The following TVP23A variants were observed in gnomAD, a reference collection of about 807,000 sequenced individuals.
TVP23A encodes Golgi apparatus membrane protein TVP23 homolog A.
In TVP23A, 21 loss-of-function variants were observed where a neutral mutation model predicts 31.7. The ratio of observed to expected loss-of-function variants is 0.66; its 90% CI spans 0.47 to 0.95. The LOEUF (loss-of-function observed/expected upper bound fraction) is 0.95, where lower values mean the gene tolerates loss of function less well. TVP23A is among the 40% of genes least tolerant of loss of function. The probability of loss-of-function intolerance (pLI) is 0.00; values close to 1 mark genes in which losing one functional copy is unlikely to be tolerated. For synonymous variants in TVP23A, 104 were observed against 96.0 expected, an observed-to-expected ratio of 1.08 and a Z score of -0.49; for missense variants, 279 against 255.6, an observed-to-expected ratio of 1.09 and a Z score of -0.62.
chr16:10,762,585 T>C (rs529745292), downstream of TVP23A, among the ~76,000 whole-genome samples: 1 of 152,108 alleles, frequency 6.6e-6, no homozygotes, highest in Non-Finnish European at 1.5e-5. Context: ...GGCCCTTTAG[T>C]GGGGCTCCTG....
downstream of TVP23A, among the ~76,000 whole-genome samples, chr16:10,760,394 T>A (rs936249079): frequency 3.3e-5 from 5 of 152,228 alleles, no homozygotes; most frequent in Non-Finnish European, 7.3e-5. Context: ...TAGAAAACAG[T>A]GCACACACTG....
intron 2 of TVP23A, among the ~76,000 whole-genome samples, chr16:10,798,259 T>C (rs1318316579): frequency 1.3e-5 from 2 of 152,062 alleles, no homozygotes; most frequent in African/African-American, 4.8e-5. Context: ...GCCCGGCCTT[T>C]TTTTTCTTTT....
rs4359432 is a variant in TVP23A, at chr16:10,777,981, A to G, written c.90-2885T>C. 1 allele frequency among the ~76,000 whole-genome samples: 151,612 copies of G among 151,972 alleles called. 75,631 individuals carry two copies. The highest frequency in any genetic ancestry group is 1 in the Admixed American group (15,235 of 15,236). On this transcript the variant is annotated intron_variant, in intron 2 of 7. Coordinates refer to ENST00000299866, the MANE Select transcript of TVP23A (RefSeq NM_001079512.4). The surrounding 1 kb of genome is among the most constrained non-coding windows in gnomAD (Gnocchi z 4.5). The stretch of plus-strand genomic sequence containing the variant: ...AGTTGAGATCGTACTACTGCACTCC[A>G]GCCTGGTGACAGAGCGAGACTCCGT...
downstream of TVP23A, chr16:10,761,685 C>G: frequency 1.9e-6 from 2 of 1,074,128 alleles, no homozygotes; most frequent in Non-Finnish European, 2.6e-6. Flanking sequence ...TTTTAAGTTT[C>G]TTTAAAATGT....
At position 10,767,363 on chromosome 16, in the gene TVP23A, A is replaced by G; in HGVS notation, c.*1739T>C. 1 of 400,004 alleles carries G rather than the reference A, an allele frequency of 2.5e-6. No homozygotes were observed. The highest frequency in any genetic ancestry group is 4.4e-6 in the Non-Finnish European group (1 of 227,094). The allele number at this position is 400,004 out of a possible 1,614,324, so 24.8% of individuals were successfully genotyped here. ...ATGGCGGGGAAAGACTAGCAGACTG[A>G]TAGACACCAGCACAGATGACCTGGA... On this transcript the variant is annotated 3_prime_UTR_variant, in exon 8 of 8. Transcript: ENST00000299866. This position sits in a 1 kb window ranked among gnomAD's most constrained non-coding sequence, Gnocchi z 4.6.
intron 2 of TVP23A, among the ~76,000 whole-genome samples, chr16:10,807,513 CA>C (rs1332795544): frequency 1.3e-5 from 2 of 152,100 alleles, no homozygotes; most frequent in Admixed American, 6.5e-5. Context: ...GACACTTGGC[CA>C]CATCAGGAGA....
downstream of TVP23A, chr16:10,761,948 G>A (rs139743116): frequency 2.0e-3 from 2,042 of 1,020,694 alleles, 31 homozygotes; most frequent in African/African-American, 0.029. Flanking sequence ...CTACAGAGAG[G>A]GGCAATGGAA....
At chr16:10,813,784 T>A (rs1002235423) in intron 2 of TVP23A, among the ~76,000 whole-genome samples, 2 of 151,822 alleles carry the variant, frequency 1.3e-5, no homozygotes, top group African/African-American at 4.8e-5. Context: ...GGCACTAGGA[T>A]CACTCAAGAT....
chr16:10,786,298 G>A (rs553893934), intron 2 of TVP23A, among the ~76,000 whole-genome samples: 9 of 152,126 alleles, frequency 5.9e-5, no homozygotes, highest in Non-Finnish European at 1.2e-4. Context: ...CTGTGGCCAG[G>A]TGCAGTGGCT....
At chr16:10,760,228 C>T (rs1263676482), downstream of TVP23A, among the ~76,000 whole-genome samples, 1 of 152,210 alleles carries the variant, frequency 6.6e-6, no homozygotes, top group African/African-American at 2.4e-5. Context: ...CGTTGCGGAC[C>T]CCACGGTCCC....
chr16:10,767,683 CT>C lies in TVP23A; in HGVS notation c.*1418del. 1 of 513,950 alleles carries C rather than the reference CT, an allele frequency of 1.9e-6. No individual in the cohort carries two copies. 31.8% of individuals were successfully genotyped at this position (513,950 alleles called of 1,614,324 possible). ...GCAGACTCCTGGGCCCATGTGGAAG[CT>C]GCTGAATCAGTTCTCTGTAGGGCCC... On this transcript the variant is annotated 3_prime_UTR_variant, in exon 8 of 8. Transcript: ENST00000299866. This position sits in a 1 kb window ranked among gnomAD's most constrained non-coding sequence, Gnocchi z 4.6.
intron 2 of TVP23A, among the ~76,000 whole-genome samples, chr16:10,813,996 T>A (rs906063492): frequency 3.6e-5 from 2 of 55,790 alleles, no homozygotes; most frequent in Admixed American, 3.0e-4. Context: ...TGAAACTCCA[T>A]CTCAAAAAAA....
chr16:10,811,203 T>C (rs1272164504), intron 2 of TVP23A, among the ~76,000 whole-genome samples: 1 of 152,154 alleles, frequency 6.6e-6, no homozygotes, highest in East Asian at 1.9e-4. Flanking sequence ...TGTGAATGTA[T>C]CAAAATCAAA....
chr16:10,803,155 G>A (rs1367017091), intron 2 of TVP23A, among the ~76,000 whole-genome samples: 14 of 151,956 alleles, frequency 9.2e-5, no homozygotes, highest in Admixed American at 9.2e-4. Context: ...GTGGTGGCGG[G>A]TGCCTGTAAT....
rs1447672108 is a variant in TVP23A, at chr16:10,818,430, C to G, written c.9+55G>C. 60 of 1,588,436 alleles carry G rather than the reference C, an allele frequency of 3.8e-5. 1 individual carries two copies. The highest frequency in any genetic ancestry group is 4.9e-5 in the Non-Finnish European group (58 of 1,171,966). On this transcript the variant is annotated intron_variant, in intron 1 of 7. Transcript: ENST00000299866. This position sits in a 1 kb window ranked among gnomAD's most constrained non-coding sequence, Gnocchi z 4.7. ...CTCCTCCCGGCTTCTCCAGCGCTCC[C>G]GCAGGCTCCCCTCGTCCCGCCCCGC...
chr16:10,763,286 G>A (rs1311714952), downstream of TVP23A, among the ~76,000 whole-genome samples: 1 of 152,078 alleles, frequency 6.6e-6, no homozygotes, highest in Non-Finnish European at 1.5e-5. Flanking sequence ...GGATTGCCAA[G>A]GGGCCGTGCA....
rs1047751937 is a variant in TVP23A at position 10,767,832 on chromosome 16, G to T, written c.*1270C>A. ...TCTTTTCTACTTTGTTCTTCATTAC[G>T]AGTGAAGCGGGCTCAAGATCTTCCC... On this transcript the variant is annotated 3_prime_UTR_variant, in exon 8 of 8. Transcript: ENST00000299866. This position sits in a 1 kb window ranked among gnomAD's most constrained non-coding sequence, Gnocchi z 4.6. 9 of 916,076 alleles carry T rather than the reference G, an allele frequency of 9.8e-6. No individual in the cohort carries two copies. Among genetic ancestry groups the T allele is most frequent in the South Asian group, 1.4e-5 (1 of 70,444 alleles). The allele number at this position is 916,076 out of a possible 1,614,324, so 56.7% of individuals were successfully genotyped here. A position where few individuals can be genotyped will look rare whatever the true frequency, so the allele number is the denominator to read the frequency against.
intron 2 of TVP23A, among the ~76,000 whole-genome samples, chr16:10,793,145 C>A (rs765771511): frequency 1.3e-5 from 2 of 152,026 alleles, no homozygotes; most frequent in Non-Finnish European, 2.9e-5. Flanking sequence ...AAAAATTAGC[C>A]AGGCATCGTG....
At chr16:10,774,588 T>G (rs1485573155) in intron 3 of TVP23A, among the ~76,000 whole-genome samples, 1 of 145,876 alleles carries the variant, frequency 6.9e-6, no homozygotes, top group Non-Finnish European at 1.5e-5. Flanking sequence ...CCCCTCTCAC[T>G]TGGCTCTCAT....
Sources: allele counts gnomAD v4.1 joint callset (sites outside exome capture counted in the v4.1 genomes callset), GRCh38; gene constraint gnomAD v4.1.1; non-coding constraint Gnocchi (gnomAD v3.1); transcripts MANE v1.5; gene names NCBI Gene and HGNC (gene_info 2026-07-23, HGNC 2026-07-21).